SLC25A48: variants seen among roughly 807,000 people sequenced by gnomAD.
The protein encoded by SLC25A48 is solute carrier family 25 member 48.
SLC25A48 carries 29 observed loss-of-function variants against 32.2 expected under a neutral mutation model. The ratio of observed to expected loss-of-function variants is 0.90; its 90% CI spans 0.67 to 1.23. The LOEUF is 1.23. Ranked by LOEUF, SLC25A48 falls within the 50% of genes most tolerant of loss-of-function variation. The pLI, the probability that SLC25A48 is intolerant of heterozygous loss-of-function variation, is 0.00. For missense variants in SLC25A48, 399 were observed against 422.7 expected (o/e 0.94, Z 0.49); for synonymous variants, 164 against 172.3 (o/e 0.95, Z 0.38).
intron 4 of SLC25A48, chr5:135,821,999 G>A (rs1257367793): frequency 6.6e-6 from 1 of 152,252 alleles, no homozygotes; most frequent in Non-Finnish European, 1.5e-5. Flanking sequence ...GGGGAGCTCA[G>A]AGGACACCTG....
chr5:135,828,542 C>G lies in SLC25A48; in HGVS notation c.-116-13874C>G, dbSNP rs1308840409. On this transcript the variant is annotated intron_variant, in intron 4 of 10. Coordinates refer to the SLC25A48 transcript ENST00000646290. ...GGAGGATCATAGCCCTTCTGAGGAGCTGGACAGGCACAGGCCTCAACTTCC... is the reference window on the plus strand; with the variant it reads ...GGAGGATCATAGCCCTTCTGAGGAGGTGGACAGGCACAGGCCTCAACTTCC... 2.6e-5 allele frequency among the ~76,000 whole-genome samples: 4 copies of G among 152,222 alleles called. No individual in the cohort carries two copies. The South Asian group carries it at 6.2e-4, about 24-fold the overall frequency.
chr5:135,723,352 T>C (rs1295397239), intron 3 of SLC25A48, among the ~76,000 whole-genome samples: 1 of 142,360 alleles, frequency 7.0e-6, no homozygotes, highest in African/African-American at 2.6e-5. Context: ...TGGAAGGGAG[T>C]CTGTCTCTCA....
intron 3 of SLC25A48, among the ~76,000 whole-genome samples, chr5:135,682,181 G>A (rs1448848773): frequency 1.3e-5 from 2 of 152,156 alleles, no homozygotes; most frequent in Non-Finnish European, 2.9e-5. Flanking sequence ...ACTATAGGCA[G>A]GCAGTAATTT....
At chr5:135,800,257 G>T (rs944827294) in intron 3 of SLC25A48, among the ~76,000 whole-genome samples, 4 of 151,504 alleles carry the variant, frequency 2.6e-5, no homozygotes, top group Non-Finnish European at 5.9e-5. Context: ...ATCCAGAAAA[G>T]GAGAGTTTGA....
At chr5:135,785,094 A>T (rs1258347195) in intron 3 of SLC25A48, among the ~76,000 whole-genome samples, 2 of 152,162 alleles carry the variant, frequency 1.3e-5, no homozygotes, top group South Asian at 4.1e-4. Flanking sequence ...TTATACAGAG[A>T]TTGAGAGGAA....
chr5:135,585,470 A>G (rs1014438350), intron 1 of SLC25A48, among the ~76,000 whole-genome samples: 24 of 152,320 alleles, frequency 1.6e-4, no homozygotes, highest in Non-Finnish European at 3.4e-4. Flanking sequence ...TGTTGTCTCC[A>G]GTGCCACTCC....
chr5:135,829,982 C>T (rs1758160885), upstream of SLC25A48, among the ~76,000 whole-genome samples: 1 of 100,424 alleles, frequency 1.0e-5, no homozygotes, highest in Non-Finnish European at 2.2e-5. Flanking sequence ...AAGCCTGGGA[C>T]ATTCAAGGCT....
At chr5:135,807,302 T>A (rs961205115) in intron 3 of SLC25A48, among the ~76,000 whole-genome samples, 44 of 149,376 alleles carry the variant, frequency 2.9e-4, no homozygotes, top group African/African-American at 1.0e-3. Flanking sequence ...ATCATGTATA[T>A]TTTCTTAATA....
intron 1 of SLC25A48, chr5:135,609,561 G>A (rs1331473987): frequency 2.0e-5 from 3 of 152,210 alleles, no homozygotes; most frequent in African/African-American, 4.8e-5. Flanking sequence ...ACAGAGACCT[G>A]AACATGACCA....
chr5:135,775,733 G>A (rs775226306), intron 3 of SLC25A48, among the ~76,000 whole-genome samples: 3 of 151,620 alleles, frequency 2.0e-5, no homozygotes, highest in African/African-American at 4.8e-5. Context: ...CAGGGGGGAA[G>A]GGATAATATT....
intron 3 of SLC25A48, among the ~76,000 whole-genome samples, chr5:135,788,423 G>A (rs1461145660): frequency 6.6e-6 from 1 of 150,836 alleles, no homozygotes; most frequent in East Asian, 2.0e-4. Flanking sequence ...TCCCCATGTG[G>A]CGGCGGGTGT....
intron 1 of SLC25A48, among the ~76,000 whole-genome samples, chr5:135,615,643 A>G (rs1048033098): frequency 6.6e-6 from 1 of 152,210 alleles, no homozygotes; most frequent in Non-Finnish European, 1.5e-5. Context: ...GCCCGGCCGT[A>G]TGGTAGAGAA....
At chr5:135,620,060 G>A (rs573100692) in intron 1 of SLC25A48, among the ~76,000 whole-genome samples, 25 of 152,148 alleles carry the variant, frequency 1.6e-4, no homozygotes, top group Non-Finnish European at 3.1e-4. Flanking sequence ...AGCAGGAGTG[G>A]CATGAGCGAT....
At chr5:135,657,301 G>A (rs1430374455) in intron 3 of SLC25A48, among the ~76,000 whole-genome samples, 1 of 152,232 alleles carries the variant, frequency 6.6e-6, no homozygotes, top group Admixed American at 6.5e-5. Context: ...CTCTTCTACT[G>A]CAGAGACAAA....
At chr5:135,695,810 G>A (rs1260035924) in intron 3 of SLC25A48, among the ~76,000 whole-genome samples, 1 of 152,190 alleles carries the variant, frequency 6.6e-6, no homozygotes, top group Non-Finnish European at 1.5e-5. Context: ...TGGGCCCTTG[G>A]GTTCAGAAGT....
chr5:135,620,865 G>C (rs1364732213), intron 1 of SLC25A48, among the ~76,000 whole-genome samples: 1 of 152,126 alleles, frequency 6.6e-6, no homozygotes, highest in East Asian at 1.9e-4. Flanking sequence ...GGCTAGGATT[G>C]TAGATGTGTA....
At chr5:135,752,764 ATAT>A (rs1457669390) in intron 3 of SLC25A48, among the ~76,000 whole-genome samples, 3 of 152,118 alleles carry the variant, frequency 2.0e-5, no homozygotes, top group Non-Finnish European at 4.4e-5. Context: ...TATCTCTATG[ATAT>A]TATGAATAAT....
chr5:135,861,623 A>G (rs1760804551), intron 4 of SLC25A48, among the ~76,000 whole-genome samples: 1 of 152,340 alleles, frequency 6.6e-6, no homozygotes. Flanking sequence ...AATCTTCCTA[A>G]TGGTGAATAT....
At chr5:135,735,386 A>G (rs1028900109) in intron 3 of SLC25A48, among the ~76,000 whole-genome samples, 3 of 152,200 alleles carry the variant, frequency 2.0e-5, no homozygotes, top group African/African-American at 7.2e-5. Context: ...GATAAAATGC[A>G]TATTTAGAAT....
Sources: gnomAD v4.1 joint callset for allele counts (sites outside exome capture counted in the v4.1 genomes callset) on GRCh38, gnomAD v4.1.1 for gene constraint, MANE v1.5 for transcripts, NCBI Gene and HGNC (gene_info 2026-07-23, HGNC 2026-07-21) for gene names.